The following FHIP1A variants were observed in gnomAD, a reference collection of about 807,000 sequenced individuals.
FHIP1A encodes FHF complex subunit HOOK-interacting protein 1A.
In FHIP1A, 61 loss-of-function variants were observed where a neutral mutation model predicts 88.6. The observed-to-expected ratio is 0.69, with a 90% CI of 0.56 to 0.85. The LOEUF is 0.85. Ranked by LOEUF, FHIP1A falls within the 40% of genes least tolerant of loss-of-function variation. The pLI is 0.00. For missense variants in FHIP1A, 1,154 were observed against 1,273.5 expected, an observed-to-expected ratio of 0.91 and a Z score of 1.43; for synonymous variants, 478 against 496.0, an observed-to-expected ratio of 0.96 and a Z score of 0.48.
intron 3 of FHIP1A, among the ~76,000 whole-genome samples, chr4:151,536,527 TA>T (rs1438234678): frequency 6.6e-6 from 1 of 152,186 alleles, no homozygotes; most frequent in Non-Finnish European, 1.5e-5. Context: ...ATTTTATCGT[TA>T]AAAAATGTTA....
chr4:151,632,401 T>C lies in FHIP1A; in HGVS notation c.1146+2532T>C, dbSNP rs559641500. On this transcript the variant is annotated intron_variant, in intron 8 of 13. Coordinates refer to ENST00000435205, the MANE Select transcript of FHIP1A (RefSeq NM_001109977.3). ...GCACAATAATAGTAGGAGACTTCAA[T>C]GCCCTACTTAAATAGTGGATAAAAA... 2.0e-4 allele frequency among the ~76,000 whole-genome samples: 30 copies of C among 152,048 alleles called. No homozygotes were observed. In the South Asian group the frequency reaches 6.0e-3, roughly 30 times the overall value.
At chr4:151,526,261 T>G (rs1731630906) in intron 3 of FHIP1A, among the ~76,000 whole-genome samples, 1 of 152,150 alleles carries the variant, frequency 6.6e-6, no homozygotes, top group Non-Finnish European at 1.5e-5. Context: ...CCATTCTCAA[T>G]GAGCTGTTGG....
At chr4:151,599,988 A>G (rs977285116) in intron 7 of FHIP1A, among the ~76,000 whole-genome samples, 2 of 152,232 alleles carry the variant, frequency 1.3e-5, no homozygotes, top group Non-Finnish European at 2.9e-5. Context: ...TGTAGTCACA[A>G]ACAGCACTGA....
At chr4:151,495,495 G>A (rs59731141) in intron 3 of FHIP1A, among the ~76,000 whole-genome samples, 18,718 of 148,898 alleles carry the variant, frequency 0.13, 1,273 homozygotes, top group African/African-American at 0.17. Context: ...GAGTGAGACT[G>A]TTTCAAAAAA....
At chr4:151,620,105 G>A (rs1032163226) in intron 7 of FHIP1A, among the ~76,000 whole-genome samples, 3 of 152,146 alleles carry the variant, frequency 2.0e-5, no homozygotes, top group African/African-American at 7.2e-5. Flanking sequence ...TCCATTGATG[G>A]GAAACTGGAA....
At chr4:151,543,022 A>G (rs1295619508) in intron 3 of FHIP1A, among the ~76,000 whole-genome samples, 1 of 152,202 alleles carries the variant, frequency 6.6e-6, no homozygotes, top group Non-Finnish European at 1.5e-5. Flanking sequence ...CCTTCTAATA[A>G]TTATGTTAGC....
At chr4:151,581,361 GA>G (rs1734019911) in intron 5 of FHIP1A, among the ~76,000 whole-genome samples, 1 of 151,996 alleles carries the variant, frequency 6.6e-6, no homozygotes, top group Non-Finnish European at 1.5e-5. Context: ...TTTATTGTTT[GA>G]AAAAATCAGA....
chr4:151,642,580 C>CA (rs1399153499), intron 9 of FHIP1A, among the ~76,000 whole-genome samples: 1 of 152,150 alleles, frequency 6.6e-6, no homozygotes, highest in African/African-American at 2.4e-5. Flanking sequence ...AATTCACTAA[C>CA]ATTGCTTTGT....
intron 3 of FHIP1A, among the ~76,000 whole-genome samples, chr4:151,552,182 G>C (rs1425420472): frequency 6.6e-6 from 1 of 152,198 alleles, no homozygotes; most frequent in African/African-American, 2.4e-5. Flanking sequence ...AATAACAGGT[G>C]CTGGAGAGGA....
intron 2 of FHIP1A, among the ~76,000 whole-genome samples, chr4:151,470,545 G>A (rs968424996): frequency 1.3e-5 from 2 of 152,152 alleles, no homozygotes; most frequent in African/African-American, 4.8e-5. Context: ...CTGCTGCCAA[G>A]TTAGAGGTTT....
intron 7 of FHIP1A, among the ~76,000 whole-genome samples, chr4:151,629,028 G>C (rs558909329): frequency 1.6e-4 from 24 of 152,182 alleles, no homozygotes; most frequent in African/African-American, 5.5e-4. Flanking sequence ...ATTACACCAG[G>C]TAGCATATAT....
chr4:151,665,729 T>C lies in FHIP1A; in HGVS notation c.*2975T>C, dbSNP rs1737638416. Among the ~76,000 whole-genome samples, 1 of 152,176 alleles carries C rather than the reference T, an allele frequency of 6.6e-6. No homozygotes were observed. On this transcript the variant is annotated 3_prime_UTR_variant, in exon 14 of 14. Transcript: ENST00000435205. ...TTGTCAGGAAAAAAATCATTGGCAA[T>C]GAAGTAGAATATTCTGGTCCTAAAG... is the stretch of plus-strand genomic sequence containing the variant.
chr4:151,513,713 G>T (rs1731120962), intron 3 of FHIP1A, among the ~76,000 whole-genome samples: 1 of 152,194 alleles, frequency 6.6e-6, no homozygotes. Flanking sequence ...AGAAGGCCAT[G>T]ACATAATGGT....
At chr4:151,494,087 C>G (rs1221524414) in intron 3 of FHIP1A, among the ~76,000 whole-genome samples, 1 of 152,150 alleles carries the variant, frequency 6.6e-6, no homozygotes, top group Non-Finnish European at 1.5e-5. Context: ...AAAAACTCAT[C>G]CAAAAAGCTC....
chr4:151,422,379 A>T (rs11099814), intron 1 of FHIP1A, among the ~76,000 whole-genome samples: 79,384 of 151,010 alleles, frequency 0.53, 21,180 homozygotes, highest in African/African-American at 0.57. Flanking sequence ...GAAAAAAAAA[A>T]ATATATATAT....
intron 10 of FHIP1A, among the ~76,000 whole-genome samples, chr4:151,647,694 G>C (rs1736850403): frequency 6.6e-6 from 1 of 152,006 alleles, no homozygotes; most frequent in African/African-American, 2.4e-5. Context: ...TTCCTATTAG[G>C]CAAATTAGTA....
At chr4:151,597,890 C>G (rs538423168) in intron 7 of FHIP1A, among the ~76,000 whole-genome samples, 3 of 152,104 alleles carry the variant, frequency 2.0e-5, no homozygotes, top group Non-Finnish European at 4.4e-5. Flanking sequence ...GCACCAAGCT[C>G]GAGTGTCCCA....
chr4:151,475,212 C>G (rs1330056224), intron 2 of FHIP1A, among the ~76,000 whole-genome samples: 3 of 152,196 alleles, frequency 2.0e-5, no homozygotes, highest in Non-Finnish European at 4.4e-5. Context: ...CAGGCCTGCT[C>G]TTGGTGCTGG....
At chr4:151,557,354 A>G (rs1485465704) in intron 3 of FHIP1A, among the ~76,000 whole-genome samples, 1 of 152,216 alleles carries the variant, frequency 6.6e-6, no homozygotes, top group African/African-American at 2.4e-5. Context: ...ATAGCGCCAA[A>G]TGCAAAATCT....
Sources: gnomAD v4.1 joint callset for allele counts (sites outside exome capture counted in the v4.1 genomes callset) on GRCh38, gnomAD v4.1.1 for gene constraint, MANE v1.5 for transcripts, NCBI Gene and HGNC (gene_info 2026-07-23, HGNC 2026-07-21) for gene names.